The following PCDH9 variants were observed in gnomAD, a reference collection of about 807,000 sequenced individuals.
PCDH9 encodes protocadherin 9.
Under a neutral mutation model 70.6 loss-of-function variants are expected in PCDH9, and 24 were observed. That is an observed-to-expected ratio of 0.34 (90% CI 0.25 to 0.48). The LOEUF (loss-of-function observed/expected upper bound fraction) is 0.48, where lower values mean the gene tolerates loss of function less well. PCDH9 is among the 20% of genes least tolerant of loss of function. PCDH9 has a pLI of 0.99. For missense variants in PCDH9, 1,281 were observed against 1,503.6 expected (o/e 0.85, Z 2.45); for synonymous variants, 562 against 558.5 (o/e 1.01, Z -0.09).
At chr13:66,916,733 T>A (rs984375323) in intron 2 of PCDH9, among the ~76,000 whole-genome samples, 1 of 151,548 alleles carries the variant, frequency 6.6e-6, no homozygotes, top group African/African-American at 2.4e-5. Flanking sequence ...GCTGATGCCA[T>A]TGTACATATC....
At chr13:66,773,070 G>A (rs1359218067) in intron 3 of PCDH9, among the ~76,000 whole-genome samples, 1 of 152,196 alleles carries the variant, frequency 6.6e-6, no homozygotes, top group Non-Finnish European at 1.5e-5. Context: ...ATAATAATAT[G>A]ATGTATCCAT....
At chr13:66,725,096 C>A (rs1171221893) in intron 3 of PCDH9, among the ~76,000 whole-genome samples, 2 of 152,084 alleles carry the variant, frequency 1.3e-5, no homozygotes, top group Non-Finnish European at 2.9e-5. Flanking sequence ...AAATACACCC[C>A]CACACTCCCT....
intron 4 of PCDH9, among the ~76,000 whole-genome samples, chr13:66,555,419 GA>G (rs4053724): frequency 1.2e-4 from 17 of 143,552 alleles, no homozygotes; most frequent in African/African-American, 2.5e-4. Context: ...ACATTCTGGG[GA>G]AAAAAAAAAA....
intron 4 of PCDH9, among the ~76,000 whole-genome samples, chr13:66,428,147 C>T (rs959820245): frequency 2.0e-5 from 3 of 151,714 alleles, no homozygotes; most frequent in Non-Finnish European, 4.4e-5. Flanking sequence ...AAGTTTTGCA[C>T]ACCAGTGTCC....
intron 2 of PCDH9, among the ~76,000 whole-genome samples, chr13:67,054,912 G>A (rs2085389242): frequency 2.0e-5 from 3 of 152,170 alleles, no homozygotes; most frequent in Non-Finnish European, 4.4e-5. Flanking sequence ...GGGGAAATGA[G>A]AGAATATGTT....
At chr13:67,093,725 C>A (rs2086265077) in intron 2 of PCDH9, among the ~76,000 whole-genome samples, 1 of 152,066 alleles carries the variant, frequency 6.6e-6, no homozygotes, top group Non-Finnish European at 1.5e-5. Context: ...ACAGTGGGGC[C>A]CATGACTGGG....
intron 4 of PCDH9, among the ~76,000 whole-genome samples, chr13:66,431,582 T>G (rs115948013): frequency 0.013 from 1,932 of 152,136 alleles, 43 homozygotes; most frequent in African/African-American, 0.045. Context: ...TTTAAGGATT[T>G]TACAATATTG....
chr13:66,610,358 A>G (rs1033200888), intron 4 of PCDH9, among the ~76,000 whole-genome samples: 3 of 152,022 alleles, frequency 2.0e-5, no homozygotes, highest in African/African-American at 7.2e-5. Flanking sequence ...GTCAACTTCA[A>G]TTTGCTTGAT....
chr13:67,186,429 T>G (rs2088761680), intron 2 of PCDH9, among the ~76,000 whole-genome samples: 1 of 152,168 alleles, frequency 6.6e-6, no homozygotes, highest in Non-Finnish European at 1.5e-5. Context: ...TAAACTTTAA[T>G]GTACATCGTA....
At chr13:67,216,450 T>C (rs1359132515) in intron 2 of PCDH9, 1 of 151,776 alleles carries the variant, frequency 6.6e-6, no homozygotes. Context: ...TCTTTTATGT[T>C]GGAAATTTGA....
At position 66,556,485 on chromosome 13, in the gene PCDH9, C is replaced by T. The variant is rs1961747030; in HGVS notation, c.3340+74725G>A. Among the ~76,000 whole-genome samples the T allele has an allele frequency of 2.0e-5, 3 of 152,162 alleles. No individual in the cohort carries two copies. In the South Asian group the frequency reaches 6.2e-4, roughly 32 times the overall value. ...GAAAATGATATATCACATTCCATTGCCCCAAACTGGTCAGATGACCCTGCC... is the reference window on the plus strand; with the variant it reads ...GAAAATGATATATCACATTCCATTGTCCCAAACTGGTCAGATGACCCTGCC... On this transcript the variant is annotated intron_variant, in intron 4 of 4. Transcript: ENST00000377865.
intron 4 of PCDH9, among the ~76,000 whole-genome samples, chr13:66,628,715 T>G (rs979029871): frequency 6.6e-6 from 1 of 152,242 alleles, no homozygotes; most frequent in East Asian, 1.9e-4. Flanking sequence ...GTTTTGCTTT[T>G]CTTCAAATAG....
At chr13:66,437,271 G>C (rs1272243912) in intron 4 of PCDH9, among the ~76,000 whole-genome samples, 2 of 151,540 alleles carry the variant, frequency 1.3e-5, no homozygotes, top group African/African-American at 4.9e-5. Context: ...GCCGGGCGTG[G>C]TGGCGGGCGC....
chr13:66,422,354 A>G (rs962856095), intron 4 of PCDH9, among the ~76,000 whole-genome samples: 6 of 152,324 alleles, frequency 3.9e-5, no homozygotes, highest in Admixed American at 3.9e-4. Context: ...AACAGAATAT[A>G]CATTCTTTTC....
intron 4 of PCDH9, among the ~76,000 whole-genome samples, chr13:66,577,550 C>T (rs748899128): frequency 2.0e-4 from 31 of 151,836 alleles, no homozygotes; most frequent in African/African-American, 5.1e-4. Flanking sequence ...GTCATTGTCC[C>T]TCGTCAGTCA....
intron 3 of PCDH9, among the ~76,000 whole-genome samples, chr13:66,672,731 A>T (rs934630733): frequency 6.6e-6 from 1 of 152,172 alleles, no homozygotes; most frequent in Admixed American, 6.5e-5. Flanking sequence ...CATCAGCATG[A>T]CCTGGATGTG....
intron 4 of PCDH9, among the ~76,000 whole-genome samples, chr13:66,362,727 T>C (rs1956491645): frequency 6.6e-6 from 1 of 152,126 alleles, no homozygotes; most frequent in African/African-American, 2.4e-5. Flanking sequence ...TCTGTGTGTG[T>C]GCATCTGATT....
At chr13:67,203,883 G>C (rs2089276822) in intron 2 of PCDH9, 1 of 151,982 alleles carries the variant, frequency 6.6e-6, no homozygotes, top group Non-Finnish European at 1.5e-5. Context: ...AACCGCCACA[G>C]TCTTAGTAGT....
chr13:66,313,125 G>A (rs1250160938), intron 4 of PCDH9, among the ~76,000 whole-genome samples: 1 of 152,118 alleles, frequency 6.6e-6, no homozygotes, highest in Non-Finnish European at 1.5e-5. Flanking sequence ...ATAATTTTAT[G>A]TGCTCTCTAT....
Sources: gnomAD v4.1 joint callset for allele counts (sites outside exome capture counted in the v4.1 genomes callset) on GRCh38, gnomAD v4.1.1 for gene constraint, MANE v1.5 for transcripts, NCBI Gene and HGNC (gene_info 2026-07-23, HGNC 2026-07-21) for gene names.